MGAM2: variants seen among roughly 807,000 people sequenced by gnomAD.
MGAM2 encodes the protein maltase-glucoamylase 2 (putative).
In MGAM2, 98 loss-of-function variants were observed where a neutral mutation model predicts 96.1. The observed-to-expected ratio is 1.02, with a 90% CI of 0.87 to 1.21. The LOEUF is 1.21. MGAM2 is among the 50% of genes most tolerant of loss of function. The probability of loss-of-function intolerance (pLI) is 0.00; values close to 1 mark genes in which losing one functional copy is unlikely to be tolerated. For missense variants in MGAM2, 2,055 were observed against 1,182.4 expected (o/e 1.74, Z -10.82); for synonymous variants, 749 against 414.8 (o/e 1.81, Z -9.79).
chr7:142,171,999 G>A, intron 28 of MGAM2, 99 bp from the exon 29 acceptor site: 1 of 507,772 alleles, frequency 2.0e-6, no homozygotes, highest in Non-Finnish European at 3.7e-6. Context: ...ATGACATTGA[G>A]CTGAATCTTT....
In MGAM2 at chr7:142,189,253, T is replaced by C. The variant is rs967242333; in HGVS notation, c.4208-114T>C. On this transcript the variant is annotated intron_variant, in intron 36 of 47. Coordinates refer to ENST00000477922, the MANE Select transcript of MGAM2 (RefSeq NM_001293626.2). Reference sequence around the variant, plus strand: ...TAGACTAAAACCTCATAAAATTGGGTCTGTTACTGGTAACAAAGTTGTTGA... The same window carrying C: ...TAGACTAAAACCTCATAAAATTGGGCCTGTTACTGGTAACAAAGTTGTTGA... The C allele has an allele frequency of 5.4e-6, 3 of 550,462 alleles. No individual in the cohort carries two copies. In the Admixed American group the frequency reaches 1.0e-4, roughly 18 times the overall value. The allele number at this position is 550,462 out of a possible 1,614,324, so 34.1% of individuals were successfully genotyped here.
intron 3 of MGAM2, among the ~76,000 whole-genome samples, chr7:142,122,778 A>G (rs1033660842): frequency 2.6e-5 from 4 of 152,192 alleles, no homozygotes. Flanking sequence ...GATGTTGTCC[A>G]CTTCATCCAT....
intron 3 of MGAM2, among the ~76,000 whole-genome samples, chr7:142,121,550 T>C (rs542580042): frequency 6.6e-6 from 1 of 152,258 alleles, no homozygotes; most frequent in Admixed American, 6.5e-5. Flanking sequence ...TGAATTATGA[T>C]GTTTTCCCTA....
chr7:142,207,502 TG>T (rs1249189899), intron 45 of MGAM2, among the ~76,000 whole-genome samples: 2 of 152,138 alleles, frequency 1.3e-5, no homozygotes, highest in African/African-American at 4.8e-5. Context: ...CTTGGCTCGC[TG>T]CAAGCTCCGC....
Position 142,171,285 on chromosome 7 carries a change from C to T in MGAM2, c.3196C>T (p.Leu1066Phe). 1 of 702,614 alleles carries T rather than the reference C, an allele frequency of 1.4e-6. No individual in the cohort carries two copies. Among genetic ancestry groups the T allele is most frequent in the Non-Finnish European group, 2.6e-6 (1 of 384,666 alleles). 43.5% of individuals were successfully genotyped at this position (702,614 alleles called of 1,614,324 possible). A position where few individuals can be genotyped will look rare whatever the true frequency, so the allele number is the denominator to read the frequency against. The change falls in exon 28 of 48, where the codon CTC becomes TTC. Residue 1066 changes from leucine to phenylalanine, a missense_variant. Transcript: ENST00000477922. ...NSSTVIWDSQLPGFIFNDMFL... is the reference protein window; with the variant it reads ...NSSTVIWDSQFPGFIFNDMFL... ...TTTGTGTTGCAGTTGGGATTCTCAA[C>T]TCCCTGGCTTCATCTTCAATGACAT...
chr7:142,150,412 C>T (rs1402124506), intron 15 of MGAM2, among the ~76,000 whole-genome samples: 1 of 152,104 alleles, frequency 6.6e-6, no homozygotes, highest in East Asian at 1.9e-4. Flanking sequence ...TCCATTTTCC[C>T]CCCTTAATAC....
At chr7:142,170,307 A>G in intron 27 of MGAM2, 78 bp downstream of exon 27, 1 of 602,480 alleles carries the variant, frequency 1.7e-6, no homozygotes, top group Non-Finnish European at 3.0e-6. Flanking sequence ...CAAGTGAAAT[A>G]TTAATCTCAG....
At position 142,170,317 on chromosome 7, in the gene MGAM2, G is replaced by A. The variant is rs559571479; in HGVS notation, c.3182+88G>A. 9.6e-5 allele frequency: 56 copies of A among 581,776 alleles called. No individual in the cohort carries two copies. In the East Asian group the frequency reaches 1.6e-3, roughly 17 times the overall value. 36.0% of individuals were successfully genotyped at this position (581,776 alleles called of 1,614,324 possible). On this transcript the variant is annotated intron_variant, in intron 27 of 47. Coordinates refer to ENST00000477922, the MANE Select transcript of MGAM2 (RefSeq NM_001293626.2). ...TAATTCAAGTGAAATATTAATCTCA[G>A]AGACTCTATGGAAATAGGTGTGCAT...
At chr7:142,114,423 A>C (rs1031355274) in intron 1 of MGAM2, among the ~76,000 whole-genome samples, 10 of 152,084 alleles carry the variant, frequency 6.6e-5, no homozygotes, top group African/African-American at 2.2e-4. Flanking sequence ...GAATGCAGAA[A>C]ACACAGCCAA....
In MGAM2 at chr7:142,132,089, A is replaced by G; in HGVS notation, c.575+4A>G. The G allele has an allele frequency of 1.4e-6, 1 of 701,420 alleles. No homozygotes were observed. The highest frequency in any genetic ancestry group is 2.6e-6 in the Non-Finnish European group (1 of 384,470). 43.4% of individuals were successfully genotyped at this position (701,420 alleles called of 1,614,324 possible). ...GGACAAGCAACAGAAGAGTCTTGTG[A>G]GCTTTTCAACCCTCTTGGTGCATCT... is the stretch of plus-strand genomic sequence containing the variant. On this transcript the variant is annotated splice_donor_region_variant and intron_variant, in intron 6 of 47. Transcript: ENST00000477922.
intron 3 of MGAM2, among the ~76,000 whole-genome samples, chr7:142,123,977 T>TTA (rs1226973177): frequency 1.7e-4 from 22 of 131,134 alleles, no homozygotes; most frequent in South Asian, 5.1e-4. Context: ...TTTTTTTTTT[T>TTA]TTTTTTTTTT....
Position 142,131,014 on chromosome 7 carries a change from T to C in MGAM2, c.253T>C (p.Phe85Leu), listed in dbSNP as rs1349982584. 1 of 702,702 alleles carries C rather than the reference T, an allele frequency of 1.4e-6. No homozygotes were observed. The highest frequency in any genetic ancestry group is 1.5e-5 in the South Asian group (1 of 67,590). 43.5% of individuals were successfully genotyped at this position (702,702 alleles called of 1,614,324 possible). ...PVADANVPRC[F>L]FPWNWGYEAS... The stretch of plus-strand genomic sequence containing the variant: ...GGCAGATGCCAATGTCCCTAGGTGC[T>C]TCTTCCCCTGGAACTGGGGCTATGA... Residue 85 changes from phenylalanine (F) to leucine (L), a missense_variant, in exon 4 of 48, where the codon TTC becomes CTC. Transcript: ENST00000477922.
Position 142,131,981 on chromosome 7 carries a change from C to A in MGAM2, c.471C>A (p.Asn157Lys), listed in dbSNP as rs563537198. The A allele has an allele frequency of 4.3e-6, 3 of 702,816 alleles. No individual in the cohort carries two copies. Among genetic ancestry groups the A allele is most frequent in the South Asian group, 3.0e-5 (2 of 67,588 alleles). 43.5% of individuals were successfully genotyped at this position (702,816 alleles called of 1,614,324 possible). ...ATGAAGTTTCCCATGAAAATATTAA[C>A]CTGGTTGATGGGATTGCTGATGCCT... ...IRYEVSHENI[N>K]LVDGIADASN... Residue 157 changes from asparagine (N) to lysine (K), a missense_variant, in exon 6 of 48, where the codon AAC (asparagine) becomes AAA (lysine). Physicochemically the swap from Asn to Lys is moderately conservative, Grantham distance 94 (BLOSUM62 0). Transcript: ENST00000477922.
chr7:142,149,520 C>T (rs1795490885), intron 15 of MGAM2, among the ~76,000 whole-genome samples: 1 of 151,876 alleles, frequency 6.6e-6, no homozygotes, highest in African/African-American at 2.4e-5. Context: ...CCAAAACAAT[C>T]TTCTGACGTT....
At chr7:142,141,186 T>C (rs184188769) in intron 12 of MGAM2, 67 bp downstream of exon 12, 45 of 671,716 alleles carry the variant, frequency 6.7e-5, no homozygotes, top group Admixed American at 4.4e-4. Context: ...GGTACGAAGA[T>C]GAGTGAAAGG....
chr7:142,157,202 G>A (rs1250557352), intron 17 of MGAM2, among the ~76,000 whole-genome samples: 4 of 151,672 alleles, frequency 2.6e-5, no homozygotes, highest in Non-Finnish European at 4.4e-5. Context: ...TGGCTTATAA[G>A]GCAATGGATT....
At chr7:142,128,230 T>C (rs1195703106) in intron 3 of MGAM2, among the ~76,000 whole-genome samples, 1 of 152,174 alleles carries the variant, frequency 6.6e-6, no homozygotes, top group African/African-American at 2.4e-5. Context: ...AAGAGGTAAC[T>C]TGGGTGCTGT....
At chr7:142,188,462 C>A (rs1297377829) in intron 36 of MGAM2, among the ~76,000 whole-genome samples, 3 of 152,064 alleles carry the variant, frequency 2.0e-5, no homozygotes, top group Admixed American at 2.0e-4. Flanking sequence ...AAACAAACAC[C>A]AAAAACCAGA....
At chr7:142,112,425 C>T (rs1298485211) in intron 1 of MGAM2, among the ~76,000 whole-genome samples, 1 of 152,178 alleles carries the variant, frequency 6.6e-6, no homozygotes, top group East Asian at 1.9e-4. Context: ...AGAAAAAAGT[C>T]TCCCTGTGGA....
Sources: gnomAD v4.1 joint callset for allele counts (sites outside exome capture counted in the v4.1 genomes callset) on GRCh38, gnomAD v4.1.1 for gene constraint, MANE v1.5 for transcripts, NCBI Gene and HGNC (gene_info 2026-07-23, HGNC 2026-07-21) for gene names.